Variants in PDXDC1 observed in about 807,000 individuals in gnomAD.
PDXDC1 encodes the protein pyridoxal-dependent decarboxylase domain-containing protein 1.
A neutral mutation model predicts 100.1 loss-of-function variants in PDXDC1; 42 were observed. The observed-to-expected ratio is 0.42, with a 90% CI of 0.33 to 0.54. The LOEUF (loss-of-function observed/expected upper bound fraction) is 0.54. Ranked by LOEUF, PDXDC1 falls within the 20% of genes least tolerant of loss-of-function variation. PDXDC1 has a pLI of 0.10. For missense variants in PDXDC1, 636 were observed against 979.2 expected (o/e 0.65, Z 4.68); for synonymous variants, 260 against 371.7 (o/e 0.70, Z 3.46).
At chr16:15,000,054 T>G (rs1972814507) in intron 3 of PDXDC1, among the ~76,000 whole-genome samples, 1 of 152,290 alleles carries the variant, frequency 6.6e-6, no homozygotes, top group Non-Finnish European at 1.5e-5. Context: ...AATGCTGATG[T>G]GAAGCTAGGT....
chr16:15,122,746 G>A (rs1333141146), intron 16 of PDXDC1, among the ~76,000 whole-genome samples: 3 of 147,354 alleles, frequency 2.0e-5, no homozygotes, highest in South Asian at 4.4e-4. Flanking sequence ...CCCGGAGGTG[G>A]CCAGGACAGA....
chr16:14,980,508 T>A (rs1967719209), intron 1 of PDXDC1, among the ~76,000 whole-genome samples: 2 of 152,284 alleles, frequency 1.3e-5, no homozygotes, highest in African/African-American at 4.8e-5. Flanking sequence ...TTTTTTGAGA[T>A]GGAGTCTCGC....
rs1298129098 is a variant in PDXDC1, at chr16:14,979,446, C to A, written c.21+4226C>A. 1.2e-4 allele frequency among the ~76,000 whole-genome samples: 19 copies of A among 152,392 alleles called. No individual in the cohort carries two copies. In the East Asian group the frequency reaches 2.9e-3, roughly 23 times the overall value. On this transcript the variant is annotated intron_variant, in intron 1 of 22. Transcript: ENST00000396410. ...CTGGGATTACAGGCACCCACCACCA[C>A]ACCTGGCTAATTTTTGTATTTTTAG...
chr16:14,992,526 C>T (rs1439531679), intron 1 of PDXDC1, among the ~76,000 whole-genome samples: 3 of 152,294 alleles, frequency 2.0e-5, no homozygotes, highest in Admixed American at 1.3e-4. Context: ...TCCTCATTCT[C>T]TTCACTGTCT....
At chr16:15,131,518 T>A (rs1380031181) in intron 16 of PDXDC1, 6 of 1,608,724 alleles carry the variant, frequency 3.7e-6, no homozygotes, top group Admixed American at 1.7e-5. Context: ...GCGCTTGCCC[T>A]GGGCCACGAT....
At chr16:15,125,818 A>T (rs751333780) in intron 16 of PDXDC1, 6 of 1,095,550 alleles carry the variant, frequency 5.5e-6, no homozygotes, top group Non-Finnish European at 8.3e-6. Context: ...CTGCAGGACG[A>T]CAGCAGTGGT....
At chr16:15,071,714 G>A (rs1014116081) in intron 16 of PDXDC1, among the ~76,000 whole-genome samples, 6 of 152,222 alleles carry the variant, frequency 3.9e-5, no homozygotes, top group Non-Finnish European at 8.8e-5. Flanking sequence ...GTTGCAGTGA[G>A]CTGAGATCAT....
chr16:15,035,106 T>C (rs370508930), intron 21 of PDXDC1, among the ~76,000 whole-genome samples: 1 of 152,196 alleles, frequency 6.6e-6, no homozygotes, highest in Non-Finnish European at 1.5e-5. Flanking sequence ...AAACGATGAC[T>C]CCATTGTCAT....
intron 16 of PDXDC1, among the ~76,000 whole-genome samples, chr16:15,097,802 A>G (rs963081198): frequency 2.6e-5 from 4 of 152,144 alleles, no homozygotes; most frequent in African/African-American, 9.7e-5. Context: ...GATTTTTAAA[A>G]GTCATTTTAG....
intron 16 of PDXDC1, among the ~76,000 whole-genome samples, chr16:15,102,947 C>G (rs1389877666): frequency 1.4e-5 from 2 of 146,366 alleles, no homozygotes; most frequent in East Asian, 4.0e-4. Flanking sequence ...AAAGGAAATA[C>G]AAATTAAAAA....
chr16:15,015,723 A>AG (rs1176778025), intron 8 of PDXDC1: 1 of 264,638 alleles, frequency 3.8e-6, no homozygotes, highest in African/African-American at 2.4e-5. Context: ...CTCAAAAAAA[A>AG]AAAAAAACAG....
intron 5 of PDXDC1, among the ~76,000 whole-genome samples, chr16:15,005,954 C>T (rs1171255778): frequency 1.3e-5 from 2 of 152,298 alleles, no homozygotes; most frequent in Admixed American, 6.5e-5. Context: ...TCCCAAAGTG[C>T]TGAGATTACA....
In PDXDC1 at chr16:15,036,114, T is replaced by G; in HGVS notation, c.2206T>G (p.Ser736Ala). 1 of 1,614,108 alleles carries G rather than the reference T, an allele frequency of 6.2e-7. No individual in the cohort carries two copies. Residue 736 changes from serine to alanine, a missense_variant, in exon 23 of 23, where the codon TCC becomes GCC. Physicochemically the swap from Ser to Ala is moderately conservative, Grantham distance 99. This residue lies in a region of PDXDC1 where 452 missense variants were observed against 402.9 expected (regional missense o/e 1.12). Coordinates refer to ENST00000396410, the MANE Select transcript of PDXDC1 (RefSeq NM_015027.4). ...AGACTTAGAAAAGGTGGAGCGCCTA[T>G]CCAGTGGGCCGGAGCAGATCACCCT... ...IEDLEKVERL[S>A]SGPEQITLEA...
At chr16:15,022,542 G>C (rs1184794679) in intron 12 of PDXDC1, among the ~76,000 whole-genome samples, 162 bp from the exon 13 acceptor site, 17 of 152,304 alleles carry the variant, frequency 1.1e-4, no homozygotes, top group Non-Finnish European at 2.4e-4. Context: ...AATATTTACA[G>C]TTGTTGAAAT....
chr16:15,048,115 AAAAAT>A (rs1241950577), intron 16 of PDXDC1: 1 of 1,525,656 alleles, frequency 6.6e-7, no homozygotes, highest in Non-Finnish European at 9.0e-7. Context: ...TAATTAAAAA[AAAAAT>A]AAAATAGTGA....
intron 12 of PDXDC1, among the ~76,000 whole-genome samples, chr16:15,022,231 T>C (rs1299889386): frequency 2.6e-5 from 4 of 152,286 alleles, no homozygotes; most frequent in African/African-American, 9.6e-5. Context: ...ATCCTCCCCA[T>C]TTTATAATTG....
intron 16 of PDXDC1, chr16:15,076,595 C>A (rs2966183): frequency 0.098 from 157,168 of 1,611,790 alleles, 8,708 homozygotes; most frequent in Non-Finnish European, 0.11. Flanking sequence ...TGTCCCACCA[C>A]AAGTTTGAGT....
chr16:15,142,162 C>T (rs1172955498), downstream of PDXDC1, among the ~76,000 whole-genome samples: 1 of 152,156 alleles, frequency 6.6e-6, no homozygotes, highest in Non-Finnish European at 1.5e-5. Context: ...TCTGGAAAAT[C>T]CATCAAGAGT....
chr16:15,001,431 G>A (rs1216964193), intron 3 of PDXDC1, among the ~76,000 whole-genome samples: 3 of 152,290 alleles, frequency 2.0e-5, no homozygotes, highest in Non-Finnish European at 2.9e-5. Context: ...AGAGGTTGCA[G>A]TGAGCCCAGA....
Sources: gnomAD v4.1 joint callset for allele counts (sites outside exome capture counted in the v4.1 genomes callset) on GRCh38, gnomAD v4.1.1 for gene constraint, gnomAD v4.1.1 regional missense constraint, MANE v1.5 for transcripts, NCBI Gene and HGNC (gene_info 2026-07-23, HGNC 2026-07-21) for gene names.